Variants in LMAN1 observed in about 807,000 individuals in gnomAD.
LMAN1 encodes protein ERGIC-53.
In LMAN1, 32 loss-of-function variants were observed where a neutral mutation model predicts 67.8. That is an observed-to-expected ratio of 0.47 (90% CI 0.36 to 0.63). LMAN1 has a LOEUF of 0.63. Among genes scored for constraint, LMAN1 ranks in the 30% least tolerant of loss-of-function variants. LMAN1 has a pLI of 0.00. For synonymous variants in LMAN1, 235 were observed against 219.3 expected (o/e 1.07, Z -0.63); for missense variants, 632 against 628.2 (o/e 1.01, Z -0.06).
intron 5 of LMAN1, 66 bp downstream of exon 5, chr18:59,353,136 A>G (rs570538544): frequency 2.9e-6 from 4 of 1,358,390 alleles, no homozygotes; most frequent in Non-Finnish European, 4.2e-6. Flanking sequence ...TTCTATCAAA[A>G]ATTCAAAATG....
chr18:59,355,481 CT>C, intron 2 of LMAN1, 22 bp downstream of exon 2: 1 of 1,614,082 alleles, frequency 6.2e-7, no homozygotes, highest in Non-Finnish European at 8.5e-7. Context: ...TGCACATTTT[CT>C]AAGTTAAAGA....
Position 59,333,264 on chromosome 18 carries a change from G to C in LMAN1, c.1221-20C>G. The C allele has an allele frequency of 6.2e-7, 1 of 1,605,678 alleles. No individual in the cohort carries two copies. The highest frequency in any genetic ancestry group is 8.5e-7 in the Non-Finnish European group (1 of 1,175,072). On this transcript the variant is annotated intron_variant, in intron 10 of 12. Coordinates refer to ENST00000251047, the MANE Select transcript of LMAN1 (RefSeq NM_005570.4). ...GAATTTCTGAAACAGAAAGTCTCTTGATACAATAAAATCACTATAAAGTTT... is the reference window on the plus strand; with the variant it reads ...GAATTTCTGAAACAGAAAGTCTCTTCATACAATAAAATCACTATAAAGTTT...
Position 59,355,699 on chromosome 18 carries a change from T to C in LMAN1, c.215-41A>G, listed in dbSNP as rs907685537. On this transcript the variant is annotated intron_variant, in intron 1 of 12. Transcript: ENST00000251047. ...GGGGAAAAAAGCTTTAAGTTATAAT[T>C]AGGTAAAACTCAATGATCATTTCCA... The C allele has an allele frequency of 1.1e-5, 17 of 1,594,404 alleles. No individual in the cohort carries two copies. The Admixed American group carries it at 1.7e-4, about 16-fold the overall frequency.
At chr18:59,356,019 TCAAA>T (rs2144233922) in intron 1 of LMAN1, among the ~76,000 whole-genome samples, 1 of 152,292 alleles carries the variant, frequency 6.6e-6, no homozygotes, top group African/African-American at 2.4e-5. Context: ...GTTAGAAAGC[TCAAA>T]CAGTGTGAAA....
At chr18:59,350,331 C>G (rs1258347833) in intron 5 of LMAN1, among the ~76,000 whole-genome samples, 2 of 152,094 alleles carry the variant, frequency 1.3e-5, no homozygotes, top group Non-Finnish European at 1.5e-5. Flanking sequence ...AAATTAGAAT[C>G]AACAATCAGG....
At chr18:59,336,727 T>C (rs1320717523) in intron 10 of LMAN1, among the ~76,000 whole-genome samples, 2 of 150,696 alleles carry the variant, frequency 1.3e-5, no homozygotes, top group African/African-American at 4.9e-5. Flanking sequence ...CCAAAAAAAA[T>C]AGAAAAATTA....
At chr18:59,331,367 A>G in intron 12 of LMAN1, 51 bp downstream of exon 12, 1 of 1,525,994 alleles carries the variant, frequency 6.6e-7, no homozygotes, top group Non-Finnish European at 9.1e-7. Flanking sequence ...GAATATTTCT[A>G]ATTAAACAGA....
chr18:59,349,309 G>A (rs1187809270), intron 5 of LMAN1, 73 bp from the exon 6 acceptor site: 2 of 1,322,062 alleles, frequency 1.5e-6, no homozygotes, highest in African/African-American at 2.9e-5. Context: ...TCCATTTTAT[G>A]ACTACTATTC....
At chr18:59,332,004 A>G (rs926879275) in intron 11 of LMAN1, among the ~76,000 whole-genome samples, 2 of 152,186 alleles carry the variant, frequency 1.3e-5, no homozygotes, top group Non-Finnish European at 2.9e-5. Flanking sequence ...CTCATTCTCT[A>G]CAATCTCATA....
intron 5 of LMAN1, among the ~76,000 whole-genome samples, chr18:59,349,926 T>C (rs1438908404): frequency 6.6e-6 from 1 of 152,178 alleles, no homozygotes; most frequent in Admixed American, 6.5e-5. Context: ...CTTCAATACA[T>C]TTCATTTCTA....
intron 8 of LMAN1, among the ~76,000 whole-genome samples, chr18:59,339,175 TA>T (rs1013613252): frequency 2.6e-5 from 4 of 152,240 alleles, no homozygotes; most frequent in African/African-American, 9.6e-5. Context: ...AAACTGGGTT[TA>T]AATTTTTTTA....
Position 59,349,199 on chromosome 18 carries a change from T to C in LMAN1, c.677A>G (p.Asp226Gly). 6.2e-7 allele frequency: 1 copy of C among 1,613,562 alleles called. No individual in the cohort carries two copies. Among genetic ancestry groups the C allele is most frequent in the South Asian group, 1.1e-5 (1 of 91,072 alleles). ...INNGFTPDKNDYEFCAKVENM... is the reference protein window; with the variant it reads ...INNGFTPDKNGYEFCAKVENM... ...TTCCACTTTGGCACAAAATTCATAA[T>C]CATTTTTATCTGGTGTAAAGCCATT... is the stretch of plus-strand genomic sequence containing the variant. The change falls in exon 6 of 13, where the codon GAT becomes GGT. Residue 226 changes from aspartate to glycine, a missense_variant. Coordinates refer to ENST00000251047, the MANE Select transcript of LMAN1 (RefSeq NM_005570.4).
chr18:59,330,920 A>G lies in LMAN1; in HGVS notation c.*173T>C. 3.3e-6 allele frequency: 2 copies of G among 612,262 alleles called. No homozygotes were observed. Among genetic ancestry groups the G allele is most frequent in the South Asian group, 2.1e-5 (1 of 46,666 alleles). The allele number at this position is 612,262 out of a possible 1,614,324, so 37.9% of individuals were successfully genotyped here. ...CAGATTTACATACTGTGAACAAATTAAAATGTGGTTGTCTTTGCTTTAAGG... is the reference window on the plus strand; with the variant it reads ...CAGATTTACATACTGTGAACAAATTGAAATGTGGTTGTCTTTGCTTTAAGG... On this transcript the variant is annotated 3_prime_UTR_variant, in exon 13 of 13. Transcript: ENST00000251047.
chr18:59,348,638 G>A (rs1908474168), intron 6 of LMAN1, among the ~76,000 whole-genome samples: 1 of 152,136 alleles, frequency 6.6e-6, no homozygotes, highest in African/African-American at 2.4e-5. Context: ...GGTAACTATG[G>A]TTTTGTTTAA....
chr18:59,337,463 GTTAATTTCCT>G (rs1908185044), intron 10 of LMAN1, among the ~76,000 whole-genome samples: 1 of 152,104 alleles, frequency 6.6e-6, no homozygotes, highest in Non-Finnish European at 1.5e-5. Flanking sequence ...TTGTATCAAT[GTTAATTTCCT>G]GGTTCTGACA....
chr18:59,346,106 T>C, intron 7 of LMAN1, 55 bp from the exon 8 acceptor site: 2 of 1,422,106 alleles, frequency 1.4e-6, no homozygotes, highest in Non-Finnish European at 1.9e-6. Context: ...ATCATTAAGA[T>C]ATCTCTATAC....
At chr18:59,353,364 G>T in intron 4 of LMAN1, 63 bp from the exon 5 acceptor site, 1 of 1,181,802 alleles carries the variant, frequency 8.5e-7, no homozygotes, top group Non-Finnish European at 1.3e-6. Flanking sequence ...AAAAATTCAG[G>T]AAGACTAAAA....
chr18:59,342,877 T>C (rs1160929041), intron 8 of LMAN1, among the ~76,000 whole-genome samples: 1 of 152,064 alleles, frequency 6.6e-6, no homozygotes, highest in Non-Finnish European at 1.5e-5. Context: ...TGTTTGCTAA[T>C]GATATGATCT....
Position 59,359,131 on chromosome 18 carries a change from C to A in LMAN1, c.114G>T (p.Ala38=). The part of the protein sequence containing the change: ...VRGDGVGGDP[A]VALPHRRFEY... Reference sequence around the variant, plus strand: ...CGAAACGGCGATGTGGCAACGCGACCGCGGGGTCTCCTCCCACGCCGTCGC... The same window carrying A: ...CGAAACGGCGATGTGGCAACGCGACAGCGGGGTCTCCTCCCACGCCGTCGC... The change falls in exon 1 of 13, where the codon GCG becomes GCT. Residue 38 remains alanine, a synonymous_variant. Transcript: ENST00000251047. The A allele has an allele frequency of 1.2e-6, 2 of 1,614,120 alleles. No homozygotes were observed. Among genetic ancestry groups the A allele is most frequent in the Non-Finnish European group, 1.7e-6 (2 of 1,179,988 alleles).
Sources: allele counts gnomAD v4.1 joint callset (sites outside exome capture counted in the v4.1 genomes callset), GRCh38; gene constraint gnomAD v4.1.1; transcripts MANE v1.5; gene names NCBI Gene and HGNC (gene_info 2026-07-23, HGNC 2026-07-21).